The following SLC36A3 variants were observed in gnomAD, a reference collection of about 807,000 sequenced individuals.
SLC36A3 encodes proton-coupled amino acid transporter 3.
In SLC36A3, 35 loss-of-function variants were observed where a neutral mutation model predicts 44.3. The ratio of observed to expected loss-of-function variants is 0.79; its 90% CI spans 0.60 to 1.05. The LOEUF is 1.05. Ranked by LOEUF, SLC36A3 falls within the 50% of genes least tolerant of loss-of-function variation. The pLI is 0.00. For synonymous variants in SLC36A3, 211 were observed against 227.6 expected (o/e 0.93, Z 0.66); for missense variants, 540 against 578.7 (o/e 0.93, Z 0.69).
Position 151,277,534 on chromosome 5 carries a change from C to T in SLC36A3, c.1272G>A (p.Met424Ile), listed in dbSNP as rs369490696. The change falls in exon 10 of 10, where the codon ATG becomes ATA. Residue 424 changes from methionine (M) to isoleucine (I), a missense_variant. Coordinates refer to ENST00000335230, the MANE Select transcript of SLC36A3 (RefSeq NM_181774.4). ...LEIVIFYSEDMSCVTIAKDIM... is the reference protein window; with the variant it reads ...LEIVIFYSEDISCVTIAKDIM... ...TGTCCTTGGCAATGGTGACACAGCTCATGTCCTCAGAGTAAAAGATGACGA... is the reference window on the plus strand; with the variant it reads ...TGTCCTTGGCAATGGTGACACAGCTTATGTCCTCAGAGTAAAAGATGACGA... The T allele has an allele frequency of 1.1e-5, 17 of 1,614,046 alleles. No individual in the cohort carries two copies. Among genetic ancestry groups the T allele is most frequent in the East Asian group, 2.2e-5 (1 of 44,900 alleles).
intron 9 of SLC36A3, among the ~76,000 whole-genome samples, chr5:151,280,680 T>C (rs1754275395): frequency 6.6e-6 from 1 of 152,198 alleles, no homozygotes; most frequent in South Asian, 2.1e-4. Context: ...GGGCCACAGT[T>C]CCCTCTAATG....
intron 1 of SLC36A3, 61 bp downstream of exon 1, chr5:151,303,166 C>T: frequency 6.4e-7 from 1 of 1,565,926 alleles, no homozygotes; most frequent in Non-Finnish European, 8.7e-7. Context: ...AAGACATAGT[C>T]CAGAGTTGCA....
intron 9 of SLC36A3, among the ~76,000 whole-genome samples, chr5:151,280,375 A>G (rs1467572803): frequency 2.0e-5 from 3 of 152,118 alleles, no homozygotes; most frequent in Admixed American, 6.6e-5. Context: ...AATCTCTTGA[A>G]CCTGGGAGGC....
At chr5:151,296,098 A>T in intron 3 of SLC36A3, 82 bp downstream of exon 3, 1 of 1,332,220 alleles carries the variant, frequency 7.5e-7, no homozygotes, top group Non-Finnish European at 1.1e-6. Flanking sequence ...TGGCCGAATT[A>T]ATTGGGTCAG....
At chr5:151,300,883 C>A (rs530556538) in intron 1 of SLC36A3, among the ~76,000 whole-genome samples, 3 of 152,326 alleles carry the variant, frequency 2.0e-5, no homozygotes, top group East Asian at 3.9e-4. Flanking sequence ...ATAAAGAGAA[C>A]CGCTATGCAT....
intron 1 of SLC36A3, among the ~76,000 whole-genome samples, chr5:151,299,264 C>CTCTCTCTCTA (rs1372309288): frequency 1.7e-3 from 102 of 59,634 alleles, no homozygotes; most frequent in Non-Finnish European, 2.5e-3. Flanking sequence ...CTCTCTCTCT[C>CTCTCTCTCTA]TATATATATA....
At position 151,303,509 on chromosome 5, in the gene SLC36A3, A is replaced by G. The variant is rs1755236641; in HGVS notation, c.-155T>C. On this transcript the variant is annotated 5_prime_UTR_variant, in exon 1 of 10. Coordinates refer to ENST00000335230, the MANE Select transcript of SLC36A3 (RefSeq NM_181774.4). ...GCTGGCTGAAGCCTGAAGTGCATGAATCAGGGAAGCGGTGGTGGCAGGAGA... is the reference window on the plus strand; with the variant it reads ...GCTGGCTGAAGCCTGAAGTGCATGAGTCAGGGAAGCGGTGGTGGCAGGAGA... 1.4e-6 allele frequency: 1 copy of G among 729,128 alleles called. No individual in the cohort carries two copies. 45.2% of individuals were successfully genotyped at this position (729,128 alleles called of 1,614,324 possible).
intron 4 of SLC36A3, 74 bp downstream of exon 4, chr5:151,293,290 C>T (rs1754827435): frequency 1.6e-6 from 2 of 1,287,944 alleles, no homozygotes; most frequent in African/African-American, 1.5e-5. Context: ...TCATTTAAAA[C>T]CTGTGTAAGT....
chr5:151,282,125 T>TG (rs1561628497), intron 8 of SLC36A3, among the ~76,000 whole-genome samples: 3 of 140,818 alleles, frequency 2.1e-5, no homozygotes, highest in Non-Finnish European at 3.0e-5. Context: ...TTTTTTTTTT[T>TG]TTTTTTTTTT....
At chr5:151,296,024 A>G (rs1405542372) in intron 3 of SLC36A3, among the ~76,000 whole-genome samples, 156 bp downstream of exon 3, 2 of 152,072 alleles carry the variant, frequency 1.3e-5, no homozygotes, top group Admixed American at 1.3e-4. Context: ...TCTAACTGGG[A>G]CTCTCTGTCA....
intron 1 of SLC36A3, among the ~76,000 whole-genome samples, chr5:151,301,747 A>G (rs982974314): frequency 1.2e-4 from 14 of 115,990 alleles, no homozygotes; most frequent in South Asian, 3.0e-4. Context: ...AAAAAAAAAA[A>G]CCTCCAGTCT....
intron 6 of SLC36A3, among the ~76,000 whole-genome samples, chr5:151,285,454 T>G (rs980466393): frequency 6.6e-6 from 1 of 152,166 alleles, no homozygotes; most frequent in Non-Finnish European, 1.5e-5. Context: ...TTCCCAGCCC[T>G]CTAACATGTC....
intron 4 of SLC36A3, among the ~76,000 whole-genome samples, chr5:151,289,241 C>G (rs1754668456): frequency 1.3e-5 from 2 of 151,858 alleles, no homozygotes; most frequent in African/African-American, 2.4e-5. Flanking sequence ...TATCCAAGAC[C>G]CCTTACAAAT....
At position 151,281,122 on chromosome 5, in the gene SLC36A3, A is replaced by G; in HGVS notation, c.1036T>C (p.Phe346Leu). 5 of 1,614,140 alleles carry G rather than the reference A, an allele frequency of 3.1e-6. No individual in the cohort carries two copies. In the South Asian group the frequency reaches 5.5e-5, roughly 18 times the overall value. Residue 346 changes from phenylalanine to leucine, a missense_variant, in exon 9 of 10, where the codon TTC becomes CTC. Phe to Leu is a conservative substitution (Grantham distance 22). Transcript: ENST00000335230. ...IGIFFTYALQ[F>L]HVPAEIIIPF... ...ATGATGATCTCAGCTGGGACGTGGA[A>G]CTGGAGGGCATAGGTGAAGAAGATG...
Position 151,293,452 on chromosome 5 carries a change from T to C in SLC36A3, c.316A>G (p.Lys106Glu). ...CAQHLSQRLQKTFVNYGEATM... is the reference protein window; with the variant it reads ...CAQHLSQRLQETFVNYGEATM... Reference sequence around the variant, plus strand: ...GCCTCTCCATAGTTCACAAAAGTCTTCTGCAGTCTAGGGGGAAAGAACAAA... The same window carrying C: ...GCCTCTCCATAGTTCACAAAAGTCTCCTGCAGTCTAGGGGGAAAGAACAAA... The change falls in exon 4 of 10, where the codon AAG becomes GAG. Residue 106 changes from lysine to glutamate, a missense_variant. Transcript: ENST00000335230. The C allele has an allele frequency of 6.2e-7, 1 of 1,612,912 alleles. No homozygotes were observed. Among genetic ancestry groups the C allele is most frequent in the Non-Finnish European group, 8.5e-7 (1 of 1,179,280 alleles).
At chr5:151,298,284 A>G (rs1305802083) in intron 2 of SLC36A3, 3 of 273,956 alleles carry the variant, frequency 1.1e-5, no homozygotes, top group Non-Finnish European at 2.1e-5. Flanking sequence ...GCCTGCAGGG[A>G]TTGGGCTGTT....
At chr5:151,299,704 C>T (rs547820922) in intron 1 of SLC36A3, among the ~76,000 whole-genome samples, 151 of 152,254 alleles carry the variant, frequency 9.9e-4, no homozygotes, top group African/African-American at 3.5e-3. Flanking sequence ...TCCAGCTCTG[C>T]CGCTAACCTA....
At position 151,294,546 on chromosome 5, in the gene SLC36A3, G is replaced by C. The variant is rs184034128; in HGVS notation, c.309-1087C>G. On this transcript the variant is annotated intron_variant, in intron 3 of 9. Transcript: ENST00000335230. The stretch of plus-strand genomic sequence containing the variant: ...AAAAATGAAGGCTCAGAAGCAGTCG[G>C]TTGTCTAACTGATTAAGAAGGCAGA... Among the ~76,000 whole-genome samples the C allele has an allele frequency of 3.9e-5, 6 of 152,212 alleles. No individual in the cohort carries two copies. In the East Asian group the frequency reaches 1.2e-3, roughly 29 times the overall value.
intron 6 of SLC36A3, 89 bp downstream of exon 6, chr5:151,287,157 G>A: frequency 7.4e-7 from 1 of 1,345,438 alleles, no homozygotes; most frequent in Non-Finnish European, 1.0e-6. Flanking sequence ...ACCTTCCTCA[G>A]CTTCACCTGC....
Sources: allele counts gnomAD v4.1 joint callset (sites outside exome capture counted in the v4.1 genomes callset), GRCh38; gene constraint gnomAD v4.1.1; transcripts MANE v1.5; gene names NCBI Gene and HGNC (gene_info 2026-07-23, HGNC 2026-07-21).